The following CTIF variants were observed in gnomAD, a reference collection of about 807,000 sequenced individuals.
CTIF encodes the protein cap binding complex dependent translation initiation factor, also known as CBP80/20-dependent translation initiation factor.
CTIF carries 21 observed loss-of-function variants against 66.0 expected under a neutral mutation model. The observed-to-expected ratio is 0.32, with a 90% confidence interval of 0.23 to 0.46. The LOEUF (loss-of-function observed/expected upper bound fraction) is 0.46. CTIF is among the 20% of genes least tolerant of loss of function. CTIF has a pLI of 1.00. For missense variants in CTIF, 739 were observed against 812.7 expected, an observed-to-expected ratio of 0.91 and a Z score of 1.10; for synonymous variants, 345 against 326.4, an observed-to-expected ratio of 1.06 and a Z score of -0.62.
chr18:48,618,202 C>T (rs1311089869), intron 1 of CTIF, among the ~76,000 whole-genome samples: 1 of 152,180 alleles, frequency 6.6e-6, no homozygotes, highest in African/African-American at 2.4e-5. Context: ...TAACTGTGTT[C>T]CAAAGAAGTT....
At chr18:48,729,896 G>T in intron 7 of CTIF, among the ~76,000 whole-genome samples, 1 of 152,224 alleles carries the variant, frequency 6.6e-6, no homozygotes, top group South Asian at 2.1e-4. Flanking sequence ...ATGGACAGAA[G>T]AGGACTCCTG....
At chr18:48,759,336 C>T (rs1432800848) in intron 8 of CTIF, among the ~76,000 whole-genome samples, 1 of 152,144 alleles carries the variant, frequency 6.6e-6, no homozygotes, top group Non-Finnish European at 1.5e-5. Flanking sequence ...CTGGGCTTCT[C>T]CTCCATCCTC....
At chr18:48,548,634 A>G in intron 1 of CTIF, among the ~76,000 whole-genome samples, 1 of 152,270 alleles carries the variant, frequency 6.6e-6, no homozygotes, top group Middle Eastern at 3.2e-3. Flanking sequence ...ACTGGCATGA[A>G]GGACCCTGTG....
At chr18:48,649,080 C>G (rs893100555) in intron 3 of CTIF, among the ~76,000 whole-genome samples, 1 of 152,174 alleles carries the variant, frequency 6.6e-6, no homozygotes, top group Non-Finnish European at 1.5e-5. Context: ...ACTGAGGCAC[C>G]TGGTTCATCT....
chr18:48,852,519 T>C (rs1482511262), intron 10 of CTIF, among the ~76,000 whole-genome samples: 2 of 152,150 alleles, frequency 1.3e-5, no homozygotes, highest in Admixed American at 6.5e-5. Context: ...TCTTGGGTCC[T>C]CTAGATGAGG....
intron 10 of CTIF, among the ~76,000 whole-genome samples, chr18:48,842,648 T>C (rs111279497): frequency 4.5e-4 from 69 of 152,204 alleles, no homozygotes; most frequent in African/African-American, 1.6e-3. Flanking sequence ...AGCCCAGCAG[T>C]CGCTGATTCT....
intron 7 of CTIF, among the ~76,000 whole-genome samples, chr18:48,754,942 A>C (rs537433666): frequency 5.7e-4 from 87 of 152,332 alleles, no homozygotes; most frequent in Admixed American, 1.8e-3. Context: ...TATAGCAATT[A>C]CTTCCTTCCC....
At chr18:48,720,036 A>G (rs893161786) in intron 7 of CTIF, among the ~76,000 whole-genome samples, 1 of 152,250 alleles carries the variant, frequency 6.6e-6, no homozygotes, top group Non-Finnish European at 1.5e-5. Context: ...AGAGGCTTGC[A>G]GGAACCAAAC....
intron 1 of CTIF, among the ~76,000 whole-genome samples, chr18:48,607,021 ATAT>A (rs552942679): frequency 2.2e-4 from 33 of 151,072 alleles, no homozygotes; most frequent in Admixed American, 1.8e-3. Context: ...AACAAGTATG[ATAT>A]TAGAGGAAAA....
rs78432607 is a variant in CTIF, at chr18:48,718,866, G to A, written c.584+7171G>A. On this transcript the variant is annotated intron_variant, in intron 7 of 11. Transcript: ENST00000256413. Reference sequence around the variant, plus strand: ...TTTTACTCCAATCAATATCAATATCGCCCCATTCCCGAGGCATGAAGGTGA... The same window carrying A: ...TTTTACTCCAATCAATATCAATATCACCCCATTCCCGAGGCATGAAGGTGA... 6.7e-3 allele frequency among the ~76,000 whole-genome samples: 1,015 copies of A among 152,030 alleles called. 14 individuals are homozygous for A. The highest frequency in any genetic ancestry group is 0.023 in the African/African-American group (964 of 41,444).
chr18:48,604,141 G>A (rs1367883152), intron 1 of CTIF, among the ~76,000 whole-genome samples: 3 of 138,936 alleles, frequency 2.2e-5, no homozygotes, highest in South Asian at 2.3e-4. Flanking sequence ...ACCACACCCC[G>A]CTGACTCCGT....
At chr18:48,726,175 TG>T (rs1355526081) in intron 7 of CTIF, among the ~76,000 whole-genome samples, 1 of 152,202 alleles carries the variant, frequency 6.6e-6, no homozygotes, top group Non-Finnish European at 1.5e-5. Context: ...GAATCACACA[TG>T]TTCGGTTTAT....
chr18:48,744,798 A>T (rs1403264491), intron 7 of CTIF, among the ~76,000 whole-genome samples: 3 of 150,012 alleles, frequency 2.0e-5, no homozygotes, highest in Non-Finnish European at 3.0e-5. Context: ...AGTATCTTTT[A>T]TCCTGGGGCA....
At chr18:48,543,679 G>A (rs1396278410) in intron 1 of CTIF, among the ~76,000 whole-genome samples, 2 of 152,204 alleles carry the variant, frequency 1.3e-5, no homozygotes, top group Non-Finnish European at 2.9e-5. Context: ...GAAGCCTAGG[G>A]AAGTGGAATG....
rs1909054593 is a variant in CTIF, at chr18:48,761,997, A to G, written c.1371+308A>G. ...GCTGGCTCTTGGTCTCAACCTGGCT[A>G]TGTGCTTTGACCTCTCTACATCCAA... On this transcript the variant is annotated intron_variant, in intron 9 of 11. Coordinates refer to ENST00000256413, the MANE Select transcript of CTIF (RefSeq NM_014772.3). This position sits in a 1 kb window ranked among gnomAD's most constrained non-coding sequence, Gnocchi z 4.2. Among the ~76,000 whole-genome samples the G allele has an allele frequency of 6.6e-6, 1 of 152,138 alleles. No individual in the cohort carries two copies. The highest frequency in any genetic ancestry group is 2.4e-5 in the African/African-American group (1 of 41,416).
intron 5 of CTIF, among the ~76,000 whole-genome samples, chr18:48,666,004 G>T (rs2091429906): frequency 6.6e-6 from 1 of 152,160 alleles, no homozygotes; most frequent in East Asian, 1.9e-4. Flanking sequence ...TGGTAATTCT[G>T]TTGAACTCTT....
At chr18:48,545,215 T>G (rs890386837) in intron 1 of CTIF, among the ~76,000 whole-genome samples, 1 of 152,230 alleles carries the variant, frequency 6.6e-6, no homozygotes, top group African/African-American at 2.4e-5. Flanking sequence ...AAGGCGGAGA[T>G]GCAGACAGCG....
At chr18:48,596,724 C>T (rs1036923383) in intron 1 of CTIF, among the ~76,000 whole-genome samples, 3 of 152,168 alleles carry the variant, frequency 2.0e-5, no homozygotes, top group African/African-American at 7.2e-5. Context: ...GATCCGCCCA[C>T]CTCGGCCTCC....
intron 1 of CTIF, among the ~76,000 whole-genome samples, chr18:48,545,357 C>T (rs761528352): frequency 3.3e-5 from 5 of 152,140 alleles, no homozygotes; most frequent in Non-Finnish European, 7.3e-5. Flanking sequence ...GGACTGGGAG[C>T]CAGGCGGCCA....
Sources: allele counts gnomAD v4.1 joint callset (sites outside exome capture counted in the v4.1 genomes callset), GRCh38; gene constraint gnomAD v4.1.1; non-coding constraint Gnocchi (gnomAD v3.1); transcripts MANE v1.5; gene names NCBI Gene and HGNC (gene_info 2026-07-23, HGNC 2026-07-21).